PAN3: variants seen among roughly 807,000 people sequenced by gnomAD.
PAN3 encodes poly(A) specific ribonuclease subunit PAN3.
Under a neutral mutation model 96.2 loss-of-function variants are expected in PAN3, and 19 were observed. That is an observed-to-expected ratio of 0.20 (90% CI 0.14 to 0.29). PAN3 has a LOEUF of 0.29. Ranked by LOEUF, PAN3 falls within the 10% of genes least tolerant of loss-of-function variation. PAN3 has a pLI of 1.00. For synonymous variants in PAN3, 433 were observed against 406.6 expected, an observed-to-expected ratio of 1.06 and a Z score of -0.78; for missense variants, 882 against 1,108.1, an observed-to-expected ratio of 0.80 and a Z score of 2.90.
chr13:28,291,254 CAATT>C (rs1869710519), intron 18 of PAN3, among the ~76,000 whole-genome samples: 1 of 151,962 alleles, frequency 6.6e-6, no homozygotes. Context: ...AATTATGTAT[CAATT>C]AATGAAATAA....
At chr13:28,168,028 G>A (rs1873817352) in intron 1 of PAN3, among the ~76,000 whole-genome samples, 1 of 152,164 alleles carries the variant, frequency 6.6e-6, no homozygotes, top group African/African-American at 2.4e-5. Flanking sequence ...TGCCATTCAT[G>A]AGGACTCTGT....
intron 5 of PAN3, among the ~76,000 whole-genome samples, chr13:28,205,941 T>C (rs970401429): frequency 2.1e-4 from 32 of 152,124 alleles, no homozygotes; most frequent in Non-Finnish European, 4.6e-4. Flanking sequence ...TTCTTATTTT[T>C]CCTCCTGTCT....
At chr13:28,139,681 C>G (rs1020785336) in intron 1 of PAN3, among the ~76,000 whole-genome samples, 1 of 151,906 alleles carries the variant, frequency 6.6e-6, no homozygotes, top group Non-Finnish European at 1.5e-5. Context: ...TAGGAGGGAG[C>G]GGACTGTCGC....
At chr13:28,201,947 G>C (rs1002516179) in intron 5 of PAN3, among the ~76,000 whole-genome samples, 9 of 152,046 alleles carry the variant, frequency 5.9e-5, no homozygotes, top group Non-Finnish European at 1.2e-4. Context: ...CAGATTTACT[G>C]CTTCGCATAT....
intron 6 of PAN3, among the ~76,000 whole-genome samples, chr13:28,241,659 C>T (rs765974164): frequency 6.6e-6 from 1 of 152,068 alleles, no homozygotes; most frequent in Admixed American, 6.5e-5. Flanking sequence ...ATGTTTAGGA[C>T]TCTTAGAATT....
At chr13:28,288,689 C>T (rs1869291150) in intron 18 of PAN3, among the ~76,000 whole-genome samples, 1 of 152,130 alleles carries the variant, frequency 6.6e-6, no homozygotes. Flanking sequence ...GTTTTATTTA[C>T]ATGTGGTTTT....
In PAN3 at chr13:28,220,268, G is replaced by A. The variant is rs897598363; in HGVS notation, c.890G>A (p.Gly297Glu). The change falls in exon 6 of 19, where the codon GGA (glycine) becomes GAA (glutamate). Residue 297 changes from glycine to glutamate, a missense_variant. Physicochemically the swap from Gly to Glu is moderately conservative, Grantham distance 98. Around this residue, in one of 3 missense-constraint regions of PAN3, gnomAD observed 442 missense variants for 422.8 expected, o/e 1.05. Transcript: ENST00000380958. ...ACTGCAAGCGAGTTTATTCCTAAAG[G>A]AGGATCAACCTCCAGGCTGAGTAAC... ...NPTASEFIPK[G>E]GSTSRLSNVS... 6 of 1,613,444 alleles carry A rather than the reference G, an allele frequency of 3.7e-6. No individual in the cohort carries two copies. The highest frequency in any genetic ancestry group is 5.1e-6 in the Non-Finnish European group (6 of 1,179,650).
chr13:28,284,893 C>A (rs547781836), intron 17 of PAN3, among the ~76,000 whole-genome samples: 2 of 152,202 alleles, frequency 1.3e-5, no homozygotes, highest in East Asian at 3.9e-4. Context: ...CTGATGGTTT[C>A]TTCATAGGGA....
Position 28,193,736 on chromosome 13 carries a change from T to TAAAA in PAN3, c.691-3432_691-3429dup, listed in dbSNP as rs35597675. On this transcript the variant is annotated intron_variant, in intron 4 of 18. Transcript: ENST00000380958. Reference sequence around the variant, plus strand: ...CCAGCCTGGGAGTGAGACCCTGACTTAAAAAAAAAAAAAAAAAAAACCCAA... The same window carrying TAAAA: ...CCAGCCTGGGAGTGAGACCCTGACTTAAAAAAAAAAAAAAAAAAAAAAAACCCAA... Among the ~76,000 whole-genome samples, 198 of 108,118 alleles carry TAAAA rather than the reference T, an allele frequency of 1.8e-3. 2 individuals are homozygous for TAAAA. Among genetic ancestry groups the TAAAA allele is most frequent in the African/African-American group, 7.5e-3 (190 of 25,472 alleles). The allele number at this position is 108,118 out of a possible 152,430, so 70.9% of individuals were successfully genotyped here.
chr13:28,191,017 A>T (rs1055786148), intron 4 of PAN3, among the ~76,000 whole-genome samples: 2 of 152,196 alleles, frequency 1.3e-5, no homozygotes. Context: ...TCAAGAATAG[A>T]GGATCAATAA....
chr13:28,202,358 A>G (rs1374224043), intron 5 of PAN3, among the ~76,000 whole-genome samples: 1 of 152,124 alleles, frequency 6.6e-6, no homozygotes, highest in Non-Finnish European at 1.5e-5. Context: ...CCTTTTTTAT[A>G]AATAGTGAGA....
At chr13:28,285,286 CTT>C (rs1566261318) in intron 17 of PAN3, among the ~76,000 whole-genome samples, 3 of 152,082 alleles carry the variant, frequency 2.0e-5, no homozygotes, top group African/African-American at 7.2e-5. Flanking sequence ...TTTAATTTCT[CTT>C]GAGTGGTTGT....
At chr13:28,200,923 T>G (rs1254641505) in intron 5 of PAN3, among the ~76,000 whole-genome samples, 1 of 152,212 alleles carries the variant, frequency 6.6e-6, no homozygotes, top group African/African-American at 2.4e-5. Context: ...AAAATTTTAT[T>G]GAAATTGCTC....
rs186332925 is a variant in PAN3 at position 28,269,979 on chromosome 13, G to A, written c.1793-722G>A. On this transcript the variant is annotated intron_variant, in intron 12 of 18. Transcript: ENST00000380958. ...GTAGGGACTCATGCTTGCAATCTCA[G>A]CACTTAGGGAGGCTGAGGCAGGTAG... Among the ~76,000 whole-genome samples, 699 of 152,266 alleles carry A rather than the reference G, an allele frequency of 4.6e-3. 7 individuals carry two copies. The highest frequency in any genetic ancestry group is 0.019 in the Admixed American group (295 of 15,278).
intron 16 of PAN3, 116 bp downstream of exon 16, chr13:28,280,657 G>T: frequency 1.1e-6 from 1 of 917,338 alleles, no homozygotes; most frequent in African/African-American, 1.7e-5. Context: ...TGCCTCCTGG[G>T]TTCAAGCGAG....
chr13:28,246,830 A>G (rs1191745238), intron 6 of PAN3, among the ~76,000 whole-genome samples: 23 of 152,068 alleles, frequency 1.5e-4, no homozygotes, highest in Admixed American at 1.5e-3. Flanking sequence ...CCATTAATGG[A>G]CACTTCAGTT....
At chr13:28,205,216 A>C (rs1009474903) in intron 5 of PAN3, among the ~76,000 whole-genome samples, 4 of 152,092 alleles carry the variant, frequency 2.6e-5, no homozygotes, top group African/African-American at 9.7e-5. Context: ...GGGATAATGT[A>C]GGCTTTTGAT....
intron 1 of PAN3, among the ~76,000 whole-genome samples, chr13:28,155,449 G>A (rs954712286): frequency 1.6e-4 from 25 of 151,870 alleles, no homozygotes; most frequent in Admixed American, 6.6e-4. Flanking sequence ...ATTTAGCCAG[G>A]TGTGGTTGCA....
chr13:28,284,191 GA>G (rs889221723), intron 17 of PAN3, among the ~76,000 whole-genome samples: 1 of 152,120 alleles, frequency 6.6e-6, no homozygotes, highest in African/African-American at 2.4e-5. Flanking sequence ...CCTTGTAGGT[GA>G]AAAATTGAAT....
Sources: allele counts gnomAD v4.1 joint callset (sites outside exome capture counted in the v4.1 genomes callset), GRCh38; gene constraint gnomAD v4.1.1; regional missense constraint gnomAD v4.1.1; transcripts MANE v1.5; gene names NCBI Gene and HGNC (gene_info 2026-07-23, HGNC 2026-07-21).